SMIM22: variants seen among roughly 807,000 people sequenced by gnomAD.
SMIM22 encodes cancer associated small integral membrane open reading frame 1.
SMIM22 carries 16 observed loss-of-function variants against 8.4 expected under a neutral mutation model. The ratio of observed to expected loss-of-function variants is 1.90; its 90% CI spans 1.29 to 2.89. The LOEUF (loss-of-function observed/expected upper bound fraction) is 2.89. Among genes scored for constraint, SMIM22 ranks in the 30% most tolerant of loss-of-function variants. The probability of loss-of-function intolerance (pLI) is 0.00; values close to 1 mark genes in which losing one functional copy is unlikely to be tolerated. For missense variants in SMIM22, 159 were observed against 107.5 expected, an observed-to-expected ratio of 1.48 and a Z score of -2.12; for synonymous variants, 67 against 47.6, an observed-to-expected ratio of 1.41 and a Z score of -1.68.
rs1167935478 is a variant in SMIM22, at chr16:4,795,964, G to GCTGCTGCTGGTCGTCGCCCA, written c.151_170dup (p.Cys57TrpfsTer22). 2.7e-6 allele frequency: 4 copies of GCTGCTGCTGGTCGTCGCCCA among 1,504,340 alleles called. No homozygotes were observed. The highest frequency in any genetic ancestry group is 3.5e-6 in the Non-Finnish European group (4 of 1,130,570). 93.2% of individuals were successfully genotyped at this position (1,504,340 alleles called of 1,614,324 possible). On this transcript the variant is annotated frameshift_variant, in exon 3 of 4. Transcript: ENST00000586005. LOFTEE classifies it high-confidence loss of function. ...TGTCCCCAGGCACCGTGCTGCTCCT[G>GCTGCTGCTGGTCGTCGCCCA]CTGCTGCTGGTCGTCGCCCACTGCT...
upstream of SMIM22, among the ~76,000 whole-genome samples, chr16:4,791,154 T>C (rs1354074665): frequency 6.6e-6 from 1 of 152,214 alleles, no homozygotes; most frequent in Non-Finnish European, 1.5e-5. Context: ...GATGGTCTAA[T>C]TCTGAAAATC....
Position 4,795,948 on chromosome 16 carries a change from G to A in SMIM22, c.125G>A (p.Gly42Asp), listed in dbSNP as rs1240416849. ...VAFIVFLTFM[G>D]TVLLLLLLVV... ...ACCTGGACGCCTGTCCTGTCCCCAG[G>A]CACCGTGCTGCTCCTGCTGCTGCTG... The change falls in exon 3 of 4, where the codon GGC (glycine) becomes GAC (aspartate). Residue 42 changes from glycine (G) to aspartate (D), a missense_variant and splice_region_variant. Gly to Asp is a moderately conservative substitution (Grantham distance 94, BLOSUM62 -1). Transcript: ENST00000586005. 7 of 1,512,008 alleles carry A rather than the reference G, an allele frequency of 4.6e-6. No homozygotes were observed. Among genetic ancestry groups the A allele is most frequent in the Middle Eastern group, 3.4e-4 (2 of 5,880 alleles). 93.7% of individuals were successfully genotyped at this position (1,512,008 alleles called of 1,614,324 possible). A position where few individuals can be genotyped will look rare whatever the true frequency, so the allele number is the denominator to read the frequency against.
In SMIM22 at chr16:4,796,238, G is replaced by A. The variant is rs1189738362; in HGVS notation, c.*7G>A. Reference sequence around the variant, plus strand: ...CTTGGCCCTGGAACCCTGACCCTGTGTCTCCTGCCCGGTGGCAGTAACAAA... The same window carrying A: ...CTTGGCCCTGGAACCCTGACCCTGTATCTCCTGCCCGGTGGCAGTAACAAA... On this transcript the variant is annotated 3_prime_UTR_variant, in exon 4 of 4. Coordinates refer to ENST00000586005, the MANE Select transcript of SMIM22 (RefSeq NM_001253794.2). 6.5e-7 allele frequency: 1 copy of A among 1,535,598 alleles called. No homozygotes were observed. The highest frequency in any genetic ancestry group is 1.4e-5 in the African/African-American group (1 of 73,018).
Position 4,796,332 on chromosome 16 carries a change from C to G in SMIM22, c.*101C>G. 7.1e-7 allele frequency: 1 copy of G among 1,405,388 alleles called. No homozygotes were observed. 87.1% of individuals were successfully genotyped at this position (1,405,388 alleles called of 1,614,324 possible). A position where few individuals can be genotyped will look rare whatever the true frequency, so the allele number is the denominator to read the frequency against. ...CCCCGTCTGGGTGGGTGACGCGGGACTCGCCGCCCCACTCAGGTGGCCACC... is the reference window on the plus strand; with the variant it reads ...CCCCGTCTGGGTGGGTGACGCGGGAGTCGCCGCCCCACTCAGGTGGCCACC... On this transcript the variant is annotated 3_prime_UTR_variant, in exon 4 of 4. Coordinates refer to ENST00000586005, the MANE Select transcript of SMIM22 (RefSeq NM_001253794.2).
In SMIM22 at chr16:4,796,117, T is replaced by C. The variant is rs759675343; in HGVS notation, c.225+69T>C. 1.1e-4 allele frequency: 167 copies of C among 1,533,988 alleles called. No individual in the cohort carries two copies. In the Middle Eastern group the frequency reaches 1.3e-3, roughly 12 times the overall value. On this transcript the variant is annotated intron_variant, in intron 3 of 3. Coordinates refer to ENST00000586005, the MANE Select transcript of SMIM22 (RefSeq NM_001253794.2). ...GGGTGGAGGCGGAAGGTGAGGGGAG[T>C]GGCGGGAAGGGTGCTCATCCCCCTA...
At chr16:4,796,101 C>T (rs1032634299) in intron 3 of SMIM22, 53 bp downstream of exon 3, 35 of 1,535,288 alleles carry the variant, frequency 2.3e-5, no homozygotes, top group African/African-American at 5.5e-5. Flanking sequence ...GGGGTGGAGG[C>T]GGAAGGTGAG....
At chr16:4,789,148 A>G (rs941201939) in intron 2 of SMIM22, among the ~76,000 whole-genome samples, 60 of 152,004 alleles carry the variant, frequency 3.9e-4, no homozygotes, top group African/African-American at 1.3e-3. Flanking sequence ...CCTCCCAAGT[A>G]GCTGGATTAC....
upstream of SMIM22, among the ~76,000 whole-genome samples, chr16:4,793,701 A>G (rs926051048): frequency 1.3e-5 from 2 of 152,224 alleles, no homozygotes; most frequent in Non-Finnish European, 2.9e-5. Context: ...TTGGACATGT[A>G]CAGACTTTTT....
In SMIM22 at chr16:4,796,377, G is replaced by A. The variant is rs2082645280; in HGVS notation, c.*146G>A. On this transcript the variant is annotated 3_prime_UTR_variant, in exon 4 of 4. Transcript: ENST00000586005. Reference sequence around the variant, plus strand: ...GCCACCTGGCCTCTCCAAGCCTTCAGTCAGCACGACTGTGCCAGGTCATCC... The same window carrying A: ...GCCACCTGGCCTCTCCAAGCCTTCAATCAGCACGACTGTGCCAGGTCATCC... 1.1e-6 allele frequency: 1 copy of A among 917,820 alleles called. No homozygotes were observed. 56.9% of individuals were successfully genotyped at this position (917,820 alleles called of 1,614,324 possible). A position where few individuals can be genotyped will look rare whatever the true frequency, so the allele number is the denominator to read the frequency against.
At chr16:4,791,294 G>A (rs553358153), upstream of SMIM22, among the ~76,000 whole-genome samples, 4 of 152,154 alleles carry the variant, frequency 2.6e-5, no homozygotes, top group African/African-American at 9.7e-5. Context: ...ACTGGCAAAA[G>A]CCAGGGAAAA....
upstream of SMIM22, among the ~76,000 whole-genome samples, chr16:4,792,609 C>G (rs558618486): frequency 6.6e-6 from 1 of 151,264 alleles, no homozygotes; most frequent in African/African-American, 2.4e-5. Flanking sequence ...CAAGACCAGC[C>G]TGACCAACAT....
chr16:4,794,916 C>G (rs1174855889), upstream of SMIM22: 1 of 152,258 alleles, frequency 6.6e-6, no homozygotes, highest in Non-Finnish European at 1.5e-5. Flanking sequence ...AGTATATGCA[C>G]AGGTTATATG....
chr16:4,795,895 C>T, intron 2 of SMIM22, 37 bp downstream of exon 2: 1 of 1,532,982 alleles, frequency 6.5e-7, no homozygotes, highest in Non-Finnish European at 8.7e-7. Flanking sequence ...CTCCCAGCCC[C>T]CTGCCCTGGG....
At chr16:4,793,278 G>A (rs1261700469), upstream of SMIM22, among the ~76,000 whole-genome samples, 1 of 152,144 alleles carries the variant, frequency 6.6e-6, no homozygotes. Context: ...CCTTCAGGAT[G>A]AACACAGCCT....
At chr16:4,793,808 GCT>G (rs1319814246), upstream of SMIM22, among the ~76,000 whole-genome samples, 5 of 152,180 alleles carry the variant, frequency 3.3e-5, no homozygotes, top group Non-Finnish European at 4.4e-5. Context: ...ATGGAGTCTT[GCT>G]CTGTCACCCA....
At chr16:4,791,800 G>C (rs1192182753), upstream of SMIM22, among the ~76,000 whole-genome samples, 3 of 152,092 alleles carry the variant, frequency 2.0e-5, no homozygotes, top group Non-Finnish European at 4.4e-5. Flanking sequence ...TGATTCTCCT[G>C]CCTCAGCTTC....
intron 2 of SMIM22, among the ~76,000 whole-genome samples, chr16:4,789,173 A>C (rs767389724): frequency 1.3e-5 from 2 of 151,628 alleles, no homozygotes; most frequent in Non-Finnish European, 2.9e-5. Flanking sequence ...GTGCACCACC[A>C]CGCTAATTTT....
upstream of SMIM22, among the ~76,000 whole-genome samples, chr16:4,793,293 G>A (rs1262851132): frequency 6.6e-6 from 1 of 152,068 alleles, no homozygotes; most frequent in African/African-American, 2.4e-5. Flanking sequence ...CAGCCTGGTC[G>A]ACCCATTTTA....
chr16:4,794,568 G>C (rs990724118), upstream of SMIM22, among the ~76,000 whole-genome samples: 3 of 152,094 alleles, frequency 2.0e-5, no homozygotes, highest in African/African-American at 7.2e-5. Flanking sequence ...TTACAGGAAT[G>C]TGCCACCACG....
Sources: allele counts gnomAD v4.1 joint callset (sites outside exome capture counted in the v4.1 genomes callset), GRCh38; gene constraint gnomAD v4.1.1; transcripts MANE v1.5; gene names NCBI Gene and HGNC (gene_info 2026-07-23, HGNC 2026-07-21).